Variants in USP34 observed in about 807,000 individuals in gnomAD.
The protein encoded by USP34 is ubiquitin carboxyl-terminal hydrolase 34.
Under a neutral mutation model 460.3 loss-of-function variants are expected in USP34, and 70 were observed. The observed-to-expected ratio is 0.15, with a 90% CI of 0.13 to 0.19. The LOEUF (loss-of-function observed/expected upper bound fraction) is 0.19, where lower values mean the gene tolerates loss of function less well. USP34 is among the 10% of genes least tolerant of loss of function. The probability of loss-of-function intolerance (pLI) is 1.00; values close to 1 mark genes in which losing one functional copy is unlikely to be tolerated. For synonymous variants in USP34, 1,647 were observed against 1,405.3 expected (o/e 1.17, Z -3.85); for missense variants, 3,985 against 4,236.2 (o/e 0.94, Z 1.65).
At chr2:61,231,774 A>C (rs1687912793) in intron 58 of USP34, among the ~76,000 whole-genome samples, 1 of 150,208 alleles carries the variant, frequency 6.7e-6, no homozygotes, top group African/African-American at 2.5e-5. Flanking sequence ...CTACCTGCTG[A>C]GGCAAGAGGA....
chr2:61,356,475 G>GCA (rs70963416), intron 10 of USP34, among the ~76,000 whole-genome samples: 4,092 of 128,360 alleles, frequency 0.032, 171 homozygotes, highest in African/African-American at 0.096. Flanking sequence ...GGGTGAAAGC[G>GCA]CACACACACA....
At chr2:61,392,150 C>T (rs947660114) in intron 5 of USP34, among the ~76,000 whole-genome samples, 2 of 152,090 alleles carry the variant, frequency 1.3e-5, no homozygotes, top group Non-Finnish European at 2.9e-5. Context: ...TGGGCAACAG[C>T]GTAACCCCAT....
intron 1 of USP34, among the ~76,000 whole-genome samples, chr2:61,442,896 TGTACACACACAC>T (rs1244953991): frequency 4.4e-3 from 346 of 78,762 alleles, no homozygotes; most frequent in African/African-American, 0.016. Context: ...ATGTGATGTG[TGTACACACACAC>T]ACACACACAC....
rs1310942151 is a variant in USP34 at position 61,325,381 on chromosome 2, G to C, written c.3007C>G (p.His1003Asp). Reference sequence around the variant, plus strand: ...TACTGATTAAAAAACTTACTGAAATGATCAGGTGATCCCAGAGTTGAAAAT... The same window carrying C: ...TACTGATTAAAAAACTTACTGAAATCATCAGGTGATCCCAGAGTTGAAAAT... The part of the protein sequence containing the change: ...CVFSTLGSPD[H>D]FRLSLEQVDI... The change falls in exon 21 of 80, where the codon CAT (histidine) becomes GAT (aspartate). Residue 1003 changes from histidine to aspartate, a missense_variant. By Grantham distance (81) the His-to-Asp change is moderately conservative. This residue lies in a region of USP34 where 1,114 missense variants were observed against 1,122.5 expected (regional missense o/e 0.99). Transcript: ENST00000398571. 2 of 1,541,628 alleles carry C rather than the reference G, an allele frequency of 1.3e-6. No homozygotes were observed. The highest frequency in any genetic ancestry group is 4.4e-5 in the Admixed American group (2 of 45,096).
At chr2:61,331,399 T>A (rs1390689257) in intron 19 of USP34, 28 bp from the exon 20 acceptor site, 2 of 1,585,536 alleles carry the variant, frequency 1.3e-6, no homozygotes, top group African/African-American at 2.7e-5. Flanking sequence ...AAAAATAATT[T>A]TAAAGTGGGC....
intron 53 of USP34, among the ~76,000 whole-genome samples, chr2:61,237,628 C>T (rs1340643275): frequency 1.5e-5 from 2 of 133,348 alleles, no homozygotes; most frequent in Admixed American, 1.7e-4. Flanking sequence ...AGTGCAGCAG[C>T]ATGATCACAG....
chr2:61,352,467 T>G (rs1287560243), intron 10 of USP34, among the ~76,000 whole-genome samples: 1 of 151,912 alleles, frequency 6.6e-6, no homozygotes, highest in Non-Finnish European at 1.5e-5. Flanking sequence ...TTGGGGTTTC[T>G]AGGGTATTAA....
chr2:61,452,306 T>C (rs1177974422), intron 1 of USP34, among the ~76,000 whole-genome samples: 1 of 149,138 alleles, frequency 6.7e-6, no homozygotes, highest in African/African-American at 2.5e-5. Context: ...CTCGTGCCTA[T>C]AATTCCCGGC....
chr2:61,403,780 G>A (rs1198719828), intron 3 of USP34, among the ~76,000 whole-genome samples: 1 of 152,006 alleles, frequency 6.6e-6, no homozygotes, highest in Non-Finnish European at 1.5e-5. Flanking sequence ...AAGGCCAGGA[G>A]ATCGAGACCA....
chr2:61,368,935 A>T (rs570026489), intron 10 of USP34, among the ~76,000 whole-genome samples: 4 of 152,186 alleles, frequency 2.6e-5, no homozygotes, highest in Admixed American at 6.5e-5. Flanking sequence ...TTGTAATCAC[A>T]AACAAAAGAT....
intron 57 of USP34, among the ~76,000 whole-genome samples, chr2:61,234,258 T>C (rs1558481281): frequency 6.6e-6 from 1 of 152,244 alleles, no homozygotes. Context: ...CCTTTAACTA[T>C]AATTCATCTA....
intron 5 of USP34, among the ~76,000 whole-genome samples, chr2:61,386,266 G>A (rs1693141896): frequency 6.6e-6 from 1 of 152,072 alleles, no homozygotes; most frequent in Non-Finnish European, 1.5e-5. Flanking sequence ...CAGGCCAGGA[G>A]TTCAACACTA....
chr2:61,219,300 T>A (rs1449371781), intron 67 of USP34, among the ~76,000 whole-genome samples: 2 of 152,200 alleles, frequency 1.3e-5, no homozygotes, highest in Non-Finnish European at 2.9e-5. Context: ...ACATCTTGTA[T>A]ATTCCCTGTC....
intron 16 of USP34, among the ~76,000 whole-genome samples, chr2:61,342,976 A>C (rs1691652381): frequency 6.6e-6 from 1 of 152,236 alleles, no homozygotes; most frequent in South Asian, 2.1e-4. Flanking sequence ...CAATAAAATA[A>C]GTCAAAGTAA....
At position 61,393,901 on chromosome 2, in the gene USP34, G is replaced by T. The variant is rs536153280; in HGVS notation, c.753+952C>A. 4.6e-5 allele frequency among the ~76,000 whole-genome samples: 7 copies of T among 152,234 alleles called. No homozygotes were observed. The East Asian group carries it at 1.4e-3, about 29-fold the overall frequency. ...GCCTGTAATCTCAGCACTTTGGGAGGCCAAGGTGGGTGGATCATGAGGTCA... is the reference window on the plus strand; with the variant it reads ...GCCTGTAATCTCAGCACTTTGGGAGTCCAAGGTGGGTGGATCATGAGGTCA... On this transcript the variant is annotated intron_variant, in intron 5 of 79. Coordinates refer to ENST00000398571, the MANE Select transcript of USP34 (RefSeq NM_014709.4).
At chr2:61,438,759 C>G (rs1222506861) in intron 1 of USP34, among the ~76,000 whole-genome samples, 1 of 152,166 alleles carries the variant, frequency 6.6e-6, no homozygotes, top group Non-Finnish European at 1.5e-5. Flanking sequence ...GTAACTGTAC[C>G]TGGACAAGGA....
intron 1 of USP34, among the ~76,000 whole-genome samples, chr2:61,448,180 A>G (rs986429486): frequency 3.3e-5 from 5 of 152,228 alleles, no homozygotes; most frequent in African/African-American, 1.2e-4. Flanking sequence ...AACACAATGA[A>G]AAACACAAAC....
chr2:61,229,512 A>C, intron 59 of USP34, 36 bp downstream of exon 59: 2 of 1,474,532 alleles, frequency 1.4e-6, no homozygotes, highest in Admixed American at 1.9e-5. Flanking sequence ...CACACACAAC[A>C]CAGACACACA....
chr2:61,418,735 C>T (rs1330929499), intron 2 of USP34, among the ~76,000 whole-genome samples: 1 of 152,158 alleles, frequency 6.6e-6, no homozygotes, highest in African/African-American at 2.4e-5. Flanking sequence ...CAAATTTTCA[C>T]TACAAGGCAC....
Sources: gnomAD v4.1 joint callset for allele counts (sites outside exome capture counted in the v4.1 genomes callset) on GRCh38, gnomAD v4.1.1 for gene constraint, gnomAD v4.1.1 regional missense constraint, MANE v1.5 for transcripts, NCBI Gene and HGNC (gene_info 2026-07-23, HGNC 2026-07-21) for gene names.